Variants in TRIM44 observed in about 807,000 individuals in gnomAD.
TRIM44 encodes tripartite motif-containing protein 44.
TRIM44 carries 13 observed loss-of-function variants against 37.4 expected under a neutral mutation model. The ratio of observed to expected loss-of-function variants is 0.35; its 90% CI spans 0.23 to 0.55. TRIM44 has a LOEUF of 0.55. Ranked by LOEUF, TRIM44 falls within the 20% of genes least tolerant of loss-of-function variation. TRIM44 has a pLI of 0.89. For missense variants in TRIM44, 426 were observed against 437.2 expected (o/e 0.97, Z 0.23); for synonymous variants, 175 against 157.2 (o/e 1.11, Z -0.85).
At chr11:35,735,027 G>A (rs912319134) in intron 3 of TRIM44, among the ~76,000 whole-genome samples, 3 of 152,214 alleles carry the variant, frequency 2.0e-5, no homozygotes, top group Non-Finnish European at 4.4e-5. Context: ...GAACAAGGCA[G>A]AAATGAGTCT....
chr11:35,758,477 T>TTTAATGTAA (rs1259364828), intron 4 of TRIM44, among the ~76,000 whole-genome samples: 1 of 152,236 alleles, frequency 6.6e-6, no homozygotes, highest in Non-Finnish European at 1.5e-5. Flanking sequence ...TGTCTTTTAA[T>TTTAATGTAA]TGGAGCATTT....
rs553511344 is a variant in TRIM44, at chr11:35,772,077, C to T, written c.1008-34281C>T. ...TCCAGCCATGGCTGAAAGGGGCCAACGTAGAGCTCGGGCCTTGGCTTCAGA... is the reference window on the plus strand; with the variant it reads ...TCCAGCCATGGCTGAAAGGGGCCAATGTAGAGCTCGGGCCTTGGCTTCAGA... On this transcript the variant is annotated intron_variant, in intron 4 of 4. Transcript: ENST00000299413. 1.1e-3 allele frequency among the ~76,000 whole-genome samples: 164 copies of T among 152,298 alleles called. 1 individual carries two copies. The highest frequency in any genetic ancestry group is 2.2e-3 in the African/African-American group (93 of 41,588).
intron 4 of TRIM44, among the ~76,000 whole-genome samples, chr11:35,773,456 T>C (rs1852902968): frequency 6.6e-6 from 1 of 152,188 alleles, no homozygotes. Context: ...GGATAGTTTA[T>C]TTTGCTGTAC....
intron 1 of TRIM44, among the ~76,000 whole-genome samples, chr11:35,674,239 T>G (rs546264341): frequency 1.5e-4 from 22 of 151,544 alleles, no homozygotes; most frequent in Admixed American, 4.6e-4. Flanking sequence ...AATTTGCGTG[T>G]GTGTGTGTGT....
At chr11:35,697,494 G>A (rs1237956633) in intron 2 of TRIM44, among the ~76,000 whole-genome samples, 11 of 145,048 alleles carry the variant, frequency 7.6e-5, no homozygotes, top group Non-Finnish European at 4.5e-5. Flanking sequence ...GGGTACATGT[G>A]CACAATGTGC....
chr11:35,740,356 A>T (rs2135523897), intron 4 of TRIM44, among the ~76,000 whole-genome samples: 1 of 152,260 alleles, frequency 6.6e-6, no homozygotes, highest in East Asian at 1.9e-4. Context: ...AGTGGTAGGA[A>T]GTCAGAGAGG....
chr11:35,683,521 A>T (rs1851542068), intron 1 of TRIM44, among the ~76,000 whole-genome samples: 1 of 152,162 alleles, frequency 6.6e-6, no homozygotes, highest in African/African-American at 2.4e-5. Context: ...AATTTGGAAG[A>T]TATGTTATCA....
Position 35,815,438 on chromosome 11 carries a change from G to GT in TRIM44, c.*9054dup, listed in dbSNP as rs1240775436. On this transcript the variant is annotated 3_prime_UTR_variant, in exon 5 of 5. Transcript: ENST00000299413. ...GATAGTAGGGCAATAGGGAGTGTCAGTAGGGTAGTTTCAGGTGGGGAGGAT... is the reference window on the plus strand; with the variant it reads ...GATAGTAGGGCAATAGGGAGTGTCAGTTAGGGTAGTTTCAGGTGGGGAGGAT... The GT allele has an allele frequency of 6.6e-6, 1 of 152,188 alleles. No individual in the cohort carries two copies. The highest frequency in any genetic ancestry group is 1.5e-5 in the Non-Finnish European group (1 of 68,038). The allele number at this position is 152,188 out of a possible 1,614,324, so 9.4% of individuals were successfully genotyped here. A position where few individuals can be genotyped will look rare whatever the true frequency, so the allele number is the denominator to read the frequency against.
rs909731634 is a variant in TRIM44 at position 35,688,223 on chromosome 11, C to G, written c.747+2887C>G. Among the ~76,000 whole-genome samples the G allele has an allele frequency of 5.9e-5, 9 of 152,188 alleles. No individual in the cohort carries two copies. In the East Asian group the frequency reaches 1.5e-3, roughly 26 times the overall value. Reference sequence around the variant, plus strand: ...CTTTACATAGAAGCACTGATTGAGTCATGGAGGACTGAGCACTATCTCTGC... The same window carrying G: ...CTTTACATAGAAGCACTGATTGAGTGATGGAGGACTGAGCACTATCTCTGC... On this transcript the variant is annotated intron_variant, in intron 2 of 4. Coordinates refer to ENST00000299413, the MANE Select transcript of TRIM44 (RefSeq NM_017583.6).
intron 4 of TRIM44, among the ~76,000 whole-genome samples, chr11:35,773,274 T>C (rs1852899638): frequency 6.6e-6 from 1 of 152,054 alleles, no homozygotes; most frequent in African/African-American, 2.4e-5. Context: ...CTAATACAGG[T>C]GCCTTTTTTT....
chr11:35,680,760 C>G (rs756595658), intron 1 of TRIM44, among the ~76,000 whole-genome samples: 2 of 152,108 alleles, frequency 1.3e-5, no homozygotes, highest in Non-Finnish European at 2.9e-5. Flanking sequence ...ATGGAAGTCC[C>G]CAATTTCCCC....
Position 35,806,542 on chromosome 11 carries a change from G to A in TRIM44, c.*157G>A. 2.6e-6 allele frequency: 2 copies of A among 767,970 alleles called. No individual in the cohort carries two copies. The highest frequency in any genetic ancestry group is 4.6e-5 in the Admixed American group (2 of 43,628). The allele number at this position is 767,970 out of a possible 1,614,324, so 47.6% of individuals were successfully genotyped here. A position where few individuals can be genotyped will look rare whatever the true frequency, so the allele number is the denominator to read the frequency against. ...CACAGCAGGCACATATCTCTCCAAG[G>A]GATGACCAGTTTTATGCTTACTGTG... On this transcript the variant is annotated 3_prime_UTR_variant, in exon 5 of 5. Transcript: ENST00000299413.
At chr11:35,776,391 A>G (rs1263472199) in intron 4 of TRIM44, among the ~76,000 whole-genome samples, 1 of 151,962 alleles carries the variant, frequency 6.6e-6, no homozygotes, top group East Asian at 1.9e-4. Flanking sequence ...AATTTTGTTG[A>G]TGTTTTCAAA....
chr11:35,761,762 G>A (rs1447258753), intron 4 of TRIM44, among the ~76,000 whole-genome samples: 1 of 152,170 alleles, frequency 6.6e-6, no homozygotes, highest in African/African-American at 2.4e-5. Flanking sequence ...TTGTAGACTT[G>A]CACTGAAATG....
Position 35,674,563 on chromosome 11 carries a change from G to T in TRIM44, c.670-10696G>T, listed in dbSNP as rs3843615. 5.8e-3 allele frequency among the ~76,000 whole-genome samples: 880 copies of T among 152,176 alleles called. 24 individuals carry two copies. The highest frequency in any genetic ancestry group is 0.048 in the Admixed American group (728 of 15,294). On this transcript the variant is annotated intron_variant, in intron 1 of 4. Transcript: ENST00000299413. ...ATGGGTTTAGTTAGTTTTTGGTAAG[G>T]TAATAATTGGTTTTTAACATCAATA...
chr11:35,723,834 G>A (rs1055224575), intron 2 of TRIM44, among the ~76,000 whole-genome samples: 1 of 152,190 alleles, frequency 6.6e-6, no homozygotes, highest in Non-Finnish European at 1.5e-5. Context: ...TAGTGAAAAG[G>A]TTTGGTCTCT....
chr11:35,792,035 T>C (rs1470457452), intron 4 of TRIM44, among the ~76,000 whole-genome samples: 1 of 148,950 alleles, frequency 6.7e-6, no homozygotes, highest in Non-Finnish European at 1.5e-5. Context: ...TCTTAAGAGG[T>C]AGATCTTAAT....
At chr11:35,675,590 C>A (rs897384726) in intron 1 of TRIM44, among the ~76,000 whole-genome samples, 1 of 152,150 alleles carries the variant, frequency 6.6e-6, no homozygotes, top group Admixed American at 6.5e-5. Flanking sequence ...GGCACGATGT[C>A]GGCTCACTGC....
rs1851289735 is a variant in TRIM44, at chr11:35,663,116, C to T, written c.5C>T (p.Ala2Val). The T allele has an allele frequency of 1.3e-6, 2 of 1,523,220 alleles. No individual in the cohort carries two copies. Among genetic ancestry groups the T allele is most frequent in the Non-Finnish European group, 1.8e-6 (2 of 1,140,348 alleles). The allele number at this position is 1,523,220 out of a possible 1,614,324, so 94.4% of individuals were successfully genotyped here. A position where few individuals can be genotyped will look rare whatever the true frequency, so the allele number is the denominator to read the frequency against. M[A>V]SGVGAAFEEL... ...TGGCCGCGTCACAGCACCCACATGG[C>T]CTCTGGAGTGGGCGCGGCCTTCGAG... Residue 2 changes from alanine (A) to valine (V), a missense_variant, in exon 1 of 5, where the codon GCC (alanine) becomes GTC (valine). Transcript: ENST00000299413.
Sources: gnomAD v4.1 joint callset for allele counts (sites outside exome capture counted in the v4.1 genomes callset) on GRCh38, gnomAD v4.1.1 for gene constraint, MANE v1.5 for transcripts, NCBI Gene and HGNC (gene_info 2026-07-23, HGNC 2026-07-21) for gene names.